SYDE2: variants seen among roughly 807,000 people sequenced by gnomAD.
SYDE2 encodes synapse defective Rho GTPase homolog 2, also known as rho GTPase-activating protein SYDE2.
A neutral mutation model predicts 91.5 loss-of-function variants in SYDE2; 76 were observed. That is an observed-to-expected ratio of 0.83 (90% CI 0.69 to 1.01). The LOEUF (loss-of-function observed/expected upper bound fraction) is 1.01, where lower values mean the gene tolerates loss of function less well. Among genes scored for constraint, SYDE2 ranks in the 50% least tolerant of loss-of-function variants. SYDE2 has a pLI of 0.00. For synonymous variants in SYDE2, 513 were observed against 506.4 expected (o/e 1.01, Z -0.18); for missense variants, 1,364 against 1,367.7 (o/e 1.00, Z 0.04).
intron 4 of SYDE2, among the ~76,000 whole-genome samples, chr1:85,169,945 T>C (rs920054312): frequency 9.9e-5 from 15 of 152,048 alleles, no homozygotes; most frequent in African/African-American, 3.4e-4. Flanking sequence ...GGTTGTTATA[T>C]ATAAGTAAGG....
At chr1:85,170,053 A>T (rs1407846205) in intron 4 of SYDE2, among the ~76,000 whole-genome samples, 2 of 151,986 alleles carry the variant, frequency 1.3e-5, no homozygotes, top group African/African-American at 4.8e-5. Flanking sequence ...TTGATCCAGA[A>T]CATGCTCTCA....
intron 1 of SYDE2, among the ~76,000 whole-genome samples, chr1:85,191,483 T>C (rs1233738414): frequency 6.6e-6 from 1 of 152,116 alleles, no homozygotes; most frequent in Non-Finnish European, 1.5e-5. Flanking sequence ...GTCCAGGCCC[T>C]GCGCAGTGGC....
At chr1:85,197,303 A>T (rs1170061804) in intron 1 of SYDE2, among the ~76,000 whole-genome samples, 1 of 152,236 alleles carries the variant, frequency 6.6e-6, no homozygotes, top group African/African-American at 2.4e-5. Context: ...AAATCAAAAT[A>T]GAAAATCATT....
At chr1:85,189,522 T>C (rs1658276969) in intron 2 of SYDE2, among the ~76,000 whole-genome samples, 2 of 152,190 alleles carry the variant, frequency 1.3e-5, no homozygotes, top group African/African-American at 4.8e-5. Flanking sequence ...ATTGACATAT[T>C]AAAGCACACC....
chr1:85,165,881 T>G (rs912960107), intron 5 of SYDE2, among the ~76,000 whole-genome samples: 1 of 143,140 alleles, frequency 7.0e-6, no homozygotes, highest in Admixed American at 7.0e-5. Flanking sequence ...TTTTTTTTTT[T>G]TTTTTTTTTG....
At position 85,182,680 on chromosome 1, in the gene SYDE2, G is replaced by A. The variant is rs1453728537; in HGVS notation, c.1962C>T (p.Ser654=). The A allele has an allele frequency of 3.7e-6, 6 of 1,613,702 alleles. No homozygotes were observed. The highest frequency in any genetic ancestry group is 5.1e-6 in the Non-Finnish European group (6 of 1,179,808). ...AAGCATCAATGTCTATTTCATTCTT[G>A]CTACAACTATTTGAAATTATTTCTT... ...KGKEIISNSC[S]KNEIDIDAFR... is the part of the protein sequence containing the mutation. Residue 654 remains serine (S), a synonymous_variant, in exon 3 of 7, where the codon AGC becomes AGT. Coordinates refer to ENST00000341460, the MANE Select transcript of SYDE2 (RefSeq NM_032184.2).
In SYDE2 at chr1:85,182,305, A is replaced by G. The variant is rs1487749607; in HGVS notation, c.2337T>C (p.Ala779=). The change falls in exon 3 of 7, where the codon GCT becomes GCC. Residue 779 remains alanine (A), a synonymous_variant. Coordinates refer to ENST00000341460, the MANE Select transcript of SYDE2 (RefSeq NM_032184.2). ...LFRVTKTHQL[A]VKLEPRGLIY... The stretch of plus-strand genomic sequence containing the variant: ...TAAGACCTCTAGGTTCAAGTTTGAC[A>G]GCCAACTGATGAGTCTTTGTCACTC... 1 of 1,613,864 alleles carries G rather than the reference A, an allele frequency of 6.2e-7. No individual in the cohort carries two copies. Among genetic ancestry groups the G allele is most frequent in the South Asian group, 1.1e-5 (1 of 91,034 alleles).
At position 85,200,738 on chromosome 1, in the gene SYDE2, G is replaced by C; in HGVS notation, c.259C>G (p.Leu87Val). The C allele has an allele frequency of 2.0e-6, 3 of 1,532,920 alleles. No homozygotes were observed. Among genetic ancestry groups the C allele is most frequent in the Non-Finnish European group, 2.6e-6 (3 of 1,144,968 alleles). The allele number at this position is 1,532,920 out of a possible 1,614,324, so 95.0% of individuals were successfully genotyped here. The change falls in exon 1 of 7, where the codon CTC (leucine) becomes GTC (valine). Residue 87 changes from leucine (L) to valine (V), a missense_variant. By Grantham distance (32) the Leu-to-Val change is conservative. Coordinates refer to ENST00000341460, the MANE Select transcript of SYDE2 (RefSeq NM_032184.2). ...TTGGCACCCACCCGGAGGCTCTCGA[G>C]GCTTCTGCTGCAGGACGGCCGCATC... Reference protein sequence around the residue: ...PRMRPSCSRSLESLRVGAKPP... With the variant: ...PRMRPSCSRSVESLRVGAKPP...
In SYDE2 at chr1:85,200,816, G is replaced by A. The variant is rs755638718; in HGVS notation, c.181C>T (p.Pro61Ser). 7 of 1,434,856 alleles carry A rather than the reference G, an allele frequency of 4.9e-6. No homozygotes were observed. The East Asian group carries it at 1.8e-4, about 37-fold the overall frequency. 88.9% of individuals were successfully genotyped at this position (1,434,856 alleles called of 1,614,324 possible). Residue 61 changes from proline to serine, a missense_variant, in exon 1 of 7, where the codon CCG becomes TCG. By Grantham distance (74) the Pro-to-Ser change is moderately conservative. Transcript: ENST00000341460. ...GGCTCCCTCTGAGGCGACCGGGGCGGGGACACCTGCTGCCGAGGGCGTCCG... is the reference window on the plus strand; with the variant it reads ...GGCTCCCTCTGAGGCGACCGGGGCGAGGACACCTGCTGCCGAGGGCGTCCG... ...GGGRPRQQVSPPRSPQREPRG... is the reference protein window; with the variant it reads ...GGGRPRQQVSSPRSPQREPRG...
intron 2 of SYDE2, 83 bp from the exon 3 acceptor site, chr1:85,183,283 C>T: frequency 7.9e-7 from 1 of 1,262,472 alleles, no homozygotes; most frequent in Non-Finnish European, 1.1e-6. Flanking sequence ...ATCAACTAAA[C>T]AGGCTTTCAC....
chr1:85,196,221 G>A (rs1658581815), intron 1 of SYDE2, among the ~76,000 whole-genome samples: 1 of 152,116 alleles, frequency 6.6e-6, no homozygotes, highest in Non-Finnish European at 1.5e-5. Context: ...ATCAGAATAA[G>A]GTAGAATTTT....
In SYDE2 at chr1:85,191,881, A is replaced by C. The variant is rs551266246; in HGVS notation, c.746-1129T>G. On this transcript the variant is annotated intron_variant, in intron 1 of 6. Coordinates refer to ENST00000341460, the MANE Select transcript of SYDE2 (RefSeq NM_032184.2). ...ACATTAATTTCATCTAAAGAGGAAA[A>C]TATTTTGTGTTTCCAGAGTTGTAAA... Among the ~76,000 whole-genome samples the C allele has an allele frequency of 2.6e-5, 4 of 152,308 alleles. No individual in the cohort carries two copies. The South Asian group carries it at 8.3e-4, about 32-fold the overall frequency.
chr1:85,189,096 A>G (rs983943589), intron 2 of SYDE2, among the ~76,000 whole-genome samples: 4 of 152,206 alleles, frequency 2.6e-5, no homozygotes, highest in Non-Finnish European at 5.9e-5. Flanking sequence ...TTGTACATCA[A>G]AAACTTTTGA....
At chr1:85,182,068 A>T (rs760344345) in intron 3 of SYDE2, 30 bp downstream of exon 3, 2 of 1,530,772 alleles carry the variant, frequency 1.3e-6, no homozygotes, top group South Asian at 1.3e-5. Flanking sequence ...TCAATAAAGG[A>T]AGTAGTAGGG....
At chr1:85,164,797 G>A in intron 5 of SYDE2, 40 bp from the exon 6 acceptor site, 1 of 1,195,506 alleles carries the variant, frequency 8.4e-7, no homozygotes, top group Non-Finnish European at 1.1e-6. Context: ...GTCATAAAGA[G>A]GCAAATTCAA....
At position 85,164,513 on chromosome 1, in the gene SYDE2, T is replaced by C. The variant is rs1657193081; in HGVS notation, c.3085+13A>G. 1.3e-6 allele frequency: 2 copies of C among 1,522,592 alleles called. No homozygotes were observed. The highest frequency in any genetic ancestry group is 1.8e-6 in the Non-Finnish European group (2 of 1,126,002). The allele number at this position is 1,522,592 out of a possible 1,614,324, so 94.3% of individuals were successfully genotyped here. A position where few individuals can be genotyped will look rare whatever the true frequency, so the allele number is the denominator to read the frequency against. On this transcript the variant is annotated intron_variant, in intron 6 of 6. Coordinates refer to ENST00000341460, the MANE Select transcript of SYDE2 (RefSeq NM_032184.2). ...TCATTGAAAGTGAAAAACATTTCCA[T>C]AGAATCATTTACCTGGCCAGAGTTG... is the stretch of plus-strand genomic sequence containing the variant.
rs1656967011 is a variant in SYDE2, at chr1:85,159,023, T to C, written c.3312A>G (p.Lys1104=). ...CATAATCCACATCATTTAAATTTTC[T>C]TTTGTATTTAAAAAGTAGTTTTCCC... The part of the protein sequence containing the change: ...SCGENYFLNT[K]ENLNDVDYDD... Residue 1104 remains lysine (K), a synonymous_variant, in exon 7 of 7, where the codon AAA becomes AAG. Transcript: ENST00000341460. 1 of 780,714 alleles carries C rather than the reference T, an allele frequency of 1.3e-6. No individual in the cohort carries two copies. The allele number at this position is 780,714 out of a possible 1,614,324, so 48.4% of individuals were successfully genotyped here.
intron 3 of SYDE2, chr1:85,181,716 A>C (rs1177507280): frequency 6.3e-6 from 1 of 159,386 alleles, no homozygotes; most frequent in Non-Finnish European, 1.4e-5. Flanking sequence ...GATAGTACTA[A>C]AGCAGAAATA....
Position 85,164,743 on chromosome 1 carries a change from C to A in SYDE2, c.2868G>T (p.Met956Ile). 1 of 1,424,348 alleles carries A rather than the reference C, an allele frequency of 7.0e-7. No homozygotes were observed. The highest frequency in any genetic ancestry group is 9.2e-7 in the Non-Finnish European group (1 of 1,087,272). The allele number at this position is 1,424,348 out of a possible 1,614,324, so 88.2% of individuals were successfully genotyped here. ...CCACCAATTTCAAATGATCCAACAA[C>A]ATCTTTAGGGTTGCCTAAATTAAAT... ...LPEIEKATLK[M>I]LLDHLKLVAS... The change falls in exon 6 of 7, where the codon ATG (methionine) becomes ATT (isoleucine). Residue 956 changes from methionine (M) to isoleucine (I), a missense_variant. Coordinates refer to ENST00000341460, the MANE Select transcript of SYDE2 (RefSeq NM_032184.2).
Sources: allele counts gnomAD v4.1 joint callset (sites outside exome capture counted in the v4.1 genomes callset), GRCh38; gene constraint gnomAD v4.1.1; transcripts MANE v1.5; gene names NCBI Gene and HGNC (gene_info 2026-07-23, HGNC 2026-07-21).